SLIT3: variants seen among roughly 807,000 people sequenced by gnomAD.
SLIT3 encodes the protein slit guidance ligand 3, also known as slit homolog 3 protein.
A neutral mutation model predicts 184.0 loss-of-function variants in SLIT3; 68 were observed. That is an observed-to-expected ratio of 0.37 (90% confidence interval 0.30 to 0.45). SLIT3 has a LOEUF of 0.45. SLIT3 is among the 20% of genes least tolerant of loss of function. The pLI is 1.00. For missense variants in SLIT3, 1,707 were observed against 2,026.0 expected, an observed-to-expected ratio of 0.84 and a Z score of 3.02; for synonymous variants, 831 against 828.6, an observed-to-expected ratio of 1.00 and a Z score of -0.05.
chr5:169,238,739 CA>C (rs1234052444), intron 3 of SLIT3, among the ~76,000 whole-genome samples: 2 of 151,954 alleles, frequency 1.3e-5, no homozygotes, highest in East Asian at 1.9e-4. Context: ...AGTTTCTTAC[CA>C]ATGTTAGACC....
chr5:169,144,980 T>TTG (rs1473373220), intron 4 of SLIT3, among the ~76,000 whole-genome samples: 1 of 152,218 alleles, frequency 6.6e-6, no homozygotes, highest in Non-Finnish European at 1.5e-5. Context: ...CATGGGCTTT[T>TTG]TGTCTTCACC....
rs561381867 is a variant in SLIT3 at position 168,773,067 on chromosome 5, C to T, written c.1296-123G>A. 5.2e-4 allele frequency: 535 copies of T among 1,019,676 alleles called. 1 individual carries two copies. In the African/African-American group the frequency reaches 5.3e-3, roughly 10 times the overall value. The allele number at this position is 1,019,676 out of a possible 1,614,324, so 63.2% of individuals were successfully genotyped here. A position where few individuals can be genotyped will look rare whatever the true frequency, so the allele number is the denominator to read the frequency against. On this transcript the variant is annotated intron_variant, in intron 13 of 35. Transcript: ENST00000519560. ...AGGACTGGCCTCCTGCCTCATCGCC[C>T]CAGGAAGCCTTAGGGGGTGCTACTT... is the stretch of plus-strand genomic sequence containing the variant.
At chr5:168,919,216 C>T (rs946952093) in intron 4 of SLIT3, among the ~76,000 whole-genome samples, 7 of 149,482 alleles carry the variant, frequency 4.7e-5, no homozygotes, top group East Asian at 3.9e-4. Context: ...GCCGAGATCG[C>T]GCCACTGCAC....
intron 3 of SLIT3, among the ~76,000 whole-genome samples, chr5:169,196,174 A>G (rs297841): frequency 6.6e-6 from 1 of 151,132 alleles, no homozygotes; most frequent in Non-Finnish European, 1.5e-5. Context: ...AAAAAAAAAG[A>G]GGGGGACTCC....
chr5:169,011,478 A>G (rs913844363), intron 4 of SLIT3, among the ~76,000 whole-genome samples: 10 of 152,108 alleles, frequency 6.6e-5, no homozygotes, highest in South Asian at 4.1e-4. Context: ...CCGCGGCTCA[A>G]TGAGGACAGT....
At chr5:169,112,672 T>C (rs1760455808) in intron 4 of SLIT3, among the ~76,000 whole-genome samples, 1 of 152,132 alleles carries the variant, frequency 6.6e-6, no homozygotes, top group Non-Finnish European at 1.5e-5. Flanking sequence ...GGGAGGCTGA[T>C]TCTCATGGAC....
intron 4 of SLIT3, among the ~76,000 whole-genome samples, chr5:169,187,406 C>T (rs1044350752): frequency 1.3e-5 from 2 of 151,960 alleles, no homozygotes; most frequent in Non-Finnish European, 2.9e-5. Flanking sequence ...CCACCGCGGC[C>T]GGCAGCAGCT....
At chr5:169,256,454 A>G (rs926535517) in intron 1 of SLIT3, among the ~76,000 whole-genome samples, 1 of 152,220 alleles carries the variant, frequency 6.6e-6, no homozygotes, top group Admixed American at 6.5e-5. Flanking sequence ...AGTAGGCTAG[A>G]CCATCTAGGT....
chr5:169,207,366 T>TACACACACACAC (rs1360535639), intron 3 of SLIT3, among the ~76,000 whole-genome samples: 3 of 84,354 alleles, frequency 3.6e-5, no homozygotes, highest in African/African-American at 1.5e-4. Context: ...TACATACACA[T>TACACACACACAC]ACATACACAC....
intron 1 of SLIT3, among the ~76,000 whole-genome samples, chr5:169,273,370 G>A (rs563798011): frequency 2.6e-5 from 4 of 152,282 alleles, no homozygotes; most frequent in South Asian, 4.1e-4. Context: ...TTCAAGAGGC[G>A]TGCATAGCTT....
At chr5:169,192,325 G>T (rs923976033) in intron 4 of SLIT3, among the ~76,000 whole-genome samples, 8 of 152,100 alleles carry the variant, frequency 5.3e-5, no homozygotes, top group Non-Finnish European at 1.0e-4. Context: ...TCCTAGAGAA[G>T]GCAAGCGAGA....
chr5:169,186,076 CA>C, intron 4 of SLIT3, among the ~76,000 whole-genome samples: 1 of 152,316 alleles, frequency 6.6e-6, no homozygotes, highest in East Asian at 1.9e-4. Flanking sequence ...ATTCACCACA[CA>C]CATTTGGGAA....
At chr5:169,055,763 G>A (rs543556760) in intron 4 of SLIT3, among the ~76,000 whole-genome samples, 144 of 151,900 alleles carry the variant, frequency 9.5e-4, no homozygotes, top group Middle Eastern at 6.8e-3. Context: ...CCCGGGAGGC[G>A]GTGGTTGCAG....
At chr5:169,084,453 GATTTTTTTTT>G (rs1561653260) in intron 4 of SLIT3, among the ~76,000 whole-genome samples, 3 of 121,546 alleles carry the variant, frequency 2.5e-5, no homozygotes. Flanking sequence ...ACCATGCCCA[GATTTTTTTTT>G]TTTTTTTTTT....
intron 4 of SLIT3, among the ~76,000 whole-genome samples, chr5:169,134,307 C>A (rs1037504130): frequency 1.3e-5 from 2 of 152,194 alleles, no homozygotes; most frequent in African/African-American, 4.8e-5. Context: ...GGTCTCTTTG[C>A]AACCACCTGG....
intron 4 of SLIT3, among the ~76,000 whole-genome samples, chr5:168,964,968 A>C (rs925774778): frequency 1.4e-4 from 21 of 152,174 alleles, no homozygotes; most frequent in African/African-American, 2.4e-5. Context: ...ACCAGAACCA[A>C]GACTAGGGAG....
intron 3 of SLIT3, among the ~76,000 whole-genome samples, chr5:169,222,413 C>T (rs1162883850): frequency 6.6e-6 from 1 of 152,084 alleles, no homozygotes; most frequent in Admixed American, 6.5e-5. Context: ...CTTTATATTT[C>T]CCACCATTGC....
intron 1 of SLIT3, among the ~76,000 whole-genome samples, chr5:169,279,581 C>T (rs1581133713): frequency 6.6e-6 from 1 of 152,154 alleles, no homozygotes; most frequent in Admixed American, 6.5e-5. Context: ...GCCAATTCCA[C>T]AGGGTTCAAC....
At chr5:169,187,012 AT>A (rs10600631) in intron 4 of SLIT3, among the ~76,000 whole-genome samples, 194 of 147,682 alleles carry the variant, frequency 1.3e-3, no homozygotes, top group African/African-American at 3.6e-3. Flanking sequence ...CCTCAGTGGC[AT>A]TTTTTTTTTT....
Sources: gnomAD v4.1 joint callset for allele counts (sites outside exome capture counted in the v4.1 genomes callset) on GRCh38, gnomAD v4.1.1 for gene constraint, MANE v1.5 for transcripts, NCBI Gene and HGNC (gene_info 2026-07-23, HGNC 2026-07-21) for gene names.